The following LUZP4 variants were observed in gnomAD, a reference collection of about 807,000 sequenced individuals.
The protein encoded by LUZP4 is HOM-TES-85 tumor antigen.
Under a neutral mutation model 8.5 loss-of-function variants are expected in LUZP4, and 11 were observed. That is an observed-to-expected ratio of 1.30 (90% CI 0.82 to 2.14). LUZP4 has a LOEUF of 2.14. Ranked by LOEUF, LUZP4 falls within the 30% of genes most tolerant of loss-of-function variation. The pLI is 0.00. For missense variants in LUZP4, 276 were observed against 229.7 expected (o/e 1.20, Z -1.30); for synonymous variants, 104 against 79.4 (o/e 1.31, Z -1.65).
chrX:115,292,082 G>A (rs1381996058), intron 1 of LUZP4, among the ~76,000 whole-genome samples: 3 of 112,148 alleles, frequency 2.7e-5, no homozygotes, highest in Non-Finnish European at 5.6e-5. Context: ...CACCTCACCC[G>A]GCCTAAACTT....
chrX:115,301,292 A>C (rs1465100868), intron 1 of LUZP4, among the ~76,000 whole-genome samples: 2 of 111,185 alleles, frequency 1.8e-5, no homozygotes, highest in Non-Finnish European at 3.8e-5. Context: ...CCACCTGTAG[A>C]CTCTTCCATT....
chrX:115,291,937 TAATGA>T (rs1340841744), intron 1 of LUZP4, among the ~76,000 whole-genome samples: 11 of 107,784 alleles, frequency 1.0e-4, no homozygotes, highest in Middle Eastern at 9.9e-3. Flanking sequence ...AAAAAAAAAG[TAATGA>T]AATGAAGAGG....
At chrX:115,291,507 C>T (rs1036309530) in intron 1 of LUZP4, among the ~76,000 whole-genome samples, 1 of 110,841 alleles carries the variant, frequency 9.0e-6, no homozygotes, top group African/African-American at 3.3e-5. Flanking sequence ...GAGGGTGGAC[C>T]TCAGAAATTG....
intron 1 of LUZP4, among the ~76,000 whole-genome samples, chrX:115,291,201 G>A (rs1556596636): frequency 9.0e-6 from 1 of 111,251 alleles, no homozygotes; most frequent in African/African-American, 3.3e-5. Context: ...GCTCAATCAA[G>A]TGATCCTACC....
intron 2 of LUZP4, 77 bp from the exon 3 acceptor site, chrX:115,303,223 T>G: frequency 1.8e-6 from 1 of 557,758 alleles, no homozygotes; most frequent in Non-Finnish European, 2.8e-6. Flanking sequence ...CTTAAAAAAA[T>G]GAGATCAGAG....
At chrX:115,301,437 A>T (rs1603137584) in intron 1 of LUZP4, among the ~76,000 whole-genome samples, 2 of 112,153 alleles carry the variant, frequency 1.8e-5, no homozygotes, top group South Asian at 7.4e-4. Flanking sequence ...GCTTCCTGCT[A>T]CTACAATAAT....
chrX:115,290,146 G>A (rs975760687), intron 1 of LUZP4, among the ~76,000 whole-genome samples: 1 of 111,104 alleles, frequency 9.0e-6, no homozygotes, highest in Non-Finnish European at 1.9e-5. Context: ...AGGGGCAGGC[G>A]GAGAAAATAG....
chrX:115,305,241 A>C (rs1289757464), intron 3 of LUZP4, among the ~76,000 whole-genome samples: 1 of 112,421 alleles, frequency 8.9e-6, no homozygotes, highest in Admixed American at 9.4e-5. Flanking sequence ...GAAAAGGTAC[A>C]TGTGCATTTC....
chrX:115,300,601 G>A (rs993895317), intron 1 of LUZP4, among the ~76,000 whole-genome samples: 1 of 111,517 alleles, frequency 9.0e-6, no homozygotes, highest in South Asian at 3.8e-4. Flanking sequence ...TCGGGCTGCC[G>A]GGATGGGTGA....
chrX:115,296,964 T>C (rs1556599277), intron 1 of LUZP4, among the ~76,000 whole-genome samples: 1 of 111,721 alleles, frequency 9.0e-6, no homozygotes, highest in Non-Finnish European at 1.9e-5. Flanking sequence ...GTAATTTTTG[T>C]GGGTATATAG....
At chrX:115,292,512 A>C (rs782767413) in intron 1 of LUZP4, among the ~76,000 whole-genome samples, 5 of 110,286 alleles carry the variant, frequency 4.5e-5, no homozygotes, top group Non-Finnish European at 9.4e-5. Flanking sequence ...CATTAGTGCT[A>C]ATCTCCGTGT....
rs148892118 is a variant in LUZP4 at position 115,301,313 on chromosome X, G to C, written c.92-679G>C. On this transcript the variant is annotated intron_variant, in intron 1 of 3. Transcript: ENST00000371920. ...GTAGACTCTTCCATTCTAAATGTTA[G>C]GAGAGATATTTTAGAGCAAGTTGTA... Among the ~76,000 whole-genome samples, 18 of 111,782 alleles carry C rather than the reference G, an allele frequency of 1.6e-4. No individual in the cohort carries two copies. The East Asian group carries it at 4.8e-3, about 30-fold the overall frequency.
chrX:115,306,405 G>T lies in LUZP4; in HGVS notation c.543G>T (p.Lys181Asn), dbSNP rs1556603930. The T allele has an allele frequency of 2.5e-6, 3 of 1,209,601 alleles. No individual in the cohort carries two copies. Among genetic ancestry groups the T allele is most frequent in the Admixed American group, 4.4e-5 (2 of 45,640 alleles). The change falls in exon 4 of 4, where the codon AAG becomes AAT. Residue 181 changes from lysine to asparagine, a missense_variant. Physicochemically the swap from Lys to Asn is moderately conservative, Grantham distance 94. Transcript: ENST00000371920. ...SQSDRSQGQL[K>N]RHHPQYERSH... ...CAGACAGATCTCAAGGGCAGCTAAA[G>T]AGACATCATCCCCAATATGAGAGAT...
intron 1 of LUZP4, among the ~76,000 whole-genome samples, chrX:115,291,729 C>G (rs1217619479): frequency 5.4e-5 from 6 of 110,325 alleles, no homozygotes; most frequent in Non-Finnish European, 1.1e-4. Context: ...CGAGACCAGC[C>G]TGGCCAACAT....
rs1474639411 is a variant in LUZP4 at position 115,299,458 on chromosome X, C to G, written c.92-2534C>G. Among the ~76,000 whole-genome samples, 5 of 111,441 alleles carry G rather than the reference C, an allele frequency of 4.5e-5. No individual in the cohort carries two copies. The Admixed American group carries it at 4.8e-4, about 11-fold the overall frequency. On this transcript the variant is annotated intron_variant, in intron 1 of 3. Coordinates refer to ENST00000371920, the MANE Select transcript of LUZP4 (RefSeq NM_016383.5). ...ACCTAGAGTCAAAAACCTTAGAAGTCTACCTGGTGTTCTATTGTATTATGG... is the reference window on the plus strand; with the variant it reads ...ACCTAGAGTCAAAAACCTTAGAAGTGTACCTGGTGTTCTATTGTATTATGG...
Position 115,303,485 on chromosome X carries a change from G to T in LUZP4, c.342+67G>T, listed in dbSNP as rs190331723. 3.4e-5 allele frequency: 18 copies of T among 533,015 alleles called. No individual in the cohort carries two copies. In the African/African-American group the frequency reaches 3.6e-4, roughly 11 times the overall value. The allele number at this position is 533,015 out of a possible 1,213,427, so 43.9% of individuals were successfully genotyped here. A position where few individuals can be genotyped will look rare whatever the true frequency, so the allele number is the denominator to read the frequency against. ...ATTTACTATATTTCCTAATATTAAT[G>T]ATTTACTTTAAATTCTATTGAAAGC... is the stretch of plus-strand genomic sequence containing the variant. On this transcript the variant is annotated intron_variant, in intron 3 of 3. Transcript: ENST00000371920.
At chrX:115,292,234 A>G (rs1014368071) in intron 1 of LUZP4, among the ~76,000 whole-genome samples, 10 of 112,536 alleles carry the variant, frequency 8.9e-5, no homozygotes, top group African/African-American at 2.6e-4. Context: ...AGAGTTTTCT[A>G]GTTTTAACTC....
In LUZP4 at chrX:115,306,863, T is replaced by C; in HGVS notation, c.*59T>C. 1 of 1,014,380 alleles carries C rather than the reference T, an allele frequency of 9.9e-7. No homozygotes were observed. The allele number at this position is 1,014,380 out of a possible 1,213,427, so 83.6% of individuals were successfully genotyped here. The stretch of plus-strand genomic sequence containing the variant: ...AGAAAAGCATATATCTATATTCTAA[T>C]GGCTAAATATGTATTTGTTGAAACA... On this transcript the variant is annotated 3_prime_UTR_variant, in exon 4 of 4. Coordinates refer to ENST00000371920, the MANE Select transcript of LUZP4 (RefSeq NM_016383.5).
At chrX:115,304,188 A>C (rs967601643) in intron 3 of LUZP4, among the ~76,000 whole-genome samples, 8 of 112,505 alleles carry the variant, frequency 7.1e-5, no homozygotes, top group Non-Finnish European at 1.3e-4. Flanking sequence ...AGGCACTATG[A>C]TACCAGAACA....
Sources: allele counts gnomAD v4.1 joint callset (sites outside exome capture counted in the v4.1 genomes callset), GRCh38; gene constraint gnomAD v4.1.1; transcripts MANE v1.5; gene names NCBI Gene and HGNC (gene_info 2026-07-23, HGNC 2026-07-21).